Variants in ARHGEF6 observed in about 807,000 individuals in gnomAD.
ARHGEF6 encodes the protein rho guanine nucleotide exchange factor 6.
In ARHGEF6, 9 loss-of-function variants were observed where a neutral mutation model predicts 70.3. That is an observed-to-expected ratio of 0.13 (90% confidence interval 0.08 to 0.22). The LOEUF is 0.22. ARHGEF6 is among the 10% of genes least tolerant of loss of function. The pLI is 1.00. For missense variants in ARHGEF6, 470 were observed against 563.0 expected, an observed-to-expected ratio of 0.83 and a Z score of 1.67; for synonymous variants, 201 against 207.8, an observed-to-expected ratio of 0.97 and a Z score of 0.28.
Position 136,737,062 on chromosome X carries a change from C to T in ARHGEF6, c.662-4890G>A, listed in dbSNP as rs992440586. Among the ~76,000 whole-genome samples, 5 of 111,918 alleles carry T rather than the reference C, an allele frequency of 4.5e-5. No individual in the cohort carries two copies. In the Admixed American group the frequency reaches 4.7e-4, roughly 11 times the overall value. ...GAATGTGTCAGAATTACTGACTCTT[C>T]GAGTGGCCACAGTGTTATATGTTTG... On this transcript the variant is annotated intron_variant, in intron 5 of 21. Coordinates refer to ENST00000250617, the MANE Select transcript of ARHGEF6 (RefSeq NM_004840.3).
At chrX:136,686,644 ACACATATATATATACACATGTG>A (rs2076398776) in intron 11 of ARHGEF6, among the ~76,000 whole-genome samples, 1 of 60,697 alleles carries the variant, frequency 1.6e-5, no homozygotes, top group Non-Finnish European at 2.6e-5. Flanking sequence ...ATATATATAC[ACACATATATATATACACATGTG>A]TATATATATA....
intron 20 of ARHGEF6, among the ~76,000 whole-genome samples, chrX:136,670,366 A>C (rs1421333233): frequency 8.9e-6 from 1 of 112,253 alleles, no homozygotes; most frequent in Non-Finnish European, 1.9e-5. Flanking sequence ...TAGGTATGAA[A>C]AAAATCTGTA....
intron 6 of ARHGEF6, among the ~76,000 whole-genome samples, chrX:136,722,844 A>C (rs1038239160): frequency 3.6e-5 from 4 of 112,554 alleles, no homozygotes; most frequent in African/African-American, 1.3e-4. Context: ...AAACTTGCAC[A>C]TGAATGTTCA....
At chrX:136,715,559 A>G (rs1317523484) in intron 6 of ARHGEF6, among the ~76,000 whole-genome samples, 1 of 110,276 alleles carries the variant, frequency 9.1e-6, no homozygotes, top group Non-Finnish European at 1.9e-5. Context: ...AATTGGAGAA[A>G]CAGGCAGATA....
At chrX:136,747,684 G>GAAA (rs140379962) in intron 2 of ARHGEF6, 92 bp from the exon 3 acceptor site, 2,980 of 121,935 alleles carry the variant, frequency 0.024, 126 homozygotes, top group South Asian at 0.039. Flanking sequence ...CAGCTCTCCG[G>GAAA]AAAAAAAAAA....
At chrX:136,729,786 T>C (rs1039310167) in intron 6 of ARHGEF6, among the ~76,000 whole-genome samples, 1 of 108,070 alleles carries the variant, frequency 9.3e-6, no homozygotes, top group African/African-American at 3.4e-5. Flanking sequence ...GCTGAGATCG[T>C]GCCACTGCAC....
chrX:136,764,254 C>T (rs973098411), intron 2 of ARHGEF6, among the ~76,000 whole-genome samples: 6 of 111,320 alleles, frequency 5.4e-5, no homozygotes, highest in Admixed American at 9.5e-5. Context: ...GACCCTATGA[C>T]GTAGCAGTGA....
At position 136,668,524 on chromosome X, in the gene ARHGEF6, C is replaced by CTTATTATTA. The variant is rs1483563492; in HGVS notation, c.2191-356_2191-355insTAATAATAA. ...TGTCAGCCTGGTATTTCTTCTTCTT[C>CTTATTATTA]TTCTTCTTCTTATTATTATTATTAT... On this transcript the variant is annotated intron_variant, in intron 21 of 21. Coordinates refer to ENST00000250617, the MANE Select transcript of ARHGEF6 (RefSeq NM_004840.3). 8.0e-5 allele frequency among the ~76,000 whole-genome samples: 8 copies of CTTATTATTA among 99,790 alleles called. No individual in the cohort carries two copies. The East Asian group carries it at 2.1e-3, about 26-fold the overall frequency. The allele number at this position is 99,790 out of a possible 115,157, so 86.7% of individuals were successfully genotyped here.
At chrX:136,714,439 C>T (rs2076717064) in intron 6 of ARHGEF6, among the ~76,000 whole-genome samples, 1 of 112,159 alleles carries the variant, frequency 8.9e-6, no homozygotes, top group African/African-American at 3.2e-5. Flanking sequence ...AGGGACAACC[C>T]AGTTAACATT....
chrX:136,773,036 C>G (rs1246844734), intron 2 of ARHGEF6, among the ~76,000 whole-genome samples: 1 of 111,356 alleles, frequency 9.0e-6, no homozygotes, highest in Non-Finnish European at 1.9e-5. Context: ...TATGAGAACA[C>G]ACAGATGGGG....
rs769155733 is a variant in ARHGEF6 at position 136,762,440 on chromosome X, C to T, written c.250-14848G>A. ...TTGAGAGTTCACTCAGTGCCAAGGACGGTGCTAAGTGCTTTACTTGCTTTC... is the reference window on the plus strand; with the variant it reads ...TTGAGAGTTCACTCAGTGCCAAGGATGGTGCTAAGTGCTTTACTTGCTTTC... On this transcript the variant is annotated intron_variant, in intron 2 of 21. Coordinates refer to ENST00000250617, the MANE Select transcript of ARHGEF6 (RefSeq NM_004840.3). 4.5e-5 allele frequency among the ~76,000 whole-genome samples: 5 copies of T among 111,917 alleles called. No individual in the cohort carries two copies. In the South Asian group the frequency reaches 1.5e-3, roughly 33 times the overall value.
At position 136,681,868 on chromosome X, in the gene ARHGEF6, T is replaced by C. The variant is rs193226743; in HGVS notation, c.1558+22A>G. On this transcript the variant is annotated intron_variant, in intron 14 of 21. Transcript: ENST00000250617. ...CCAAAAAGAATTGGAAGTAGTTACA[T>C]GAAAAAGAGAAAATTACCTACCAGT... is the stretch of plus-strand genomic sequence containing the variant. The C allele has an allele frequency of 2.3e-4, 265 of 1,157,686 alleles. 1 individual carries two copies. The African/African-American group carries it at 4.0e-3, about 17-fold the overall frequency.
intron 2 of ARHGEF6, among the ~76,000 whole-genome samples, chrX:136,773,767 T>A (rs2077380516): frequency 8.9e-6 from 1 of 111,927 alleles, no homozygotes; most frequent in African/African-American, 3.3e-5. Flanking sequence ...AGAGGTCAAG[T>A]AACTGTCCCA....
intron 19 of ARHGEF6, among the ~76,000 whole-genome samples, chrX:136,673,970 G>A (rs948778323): frequency 9.0e-6 from 1 of 111,282 alleles, no homozygotes; most frequent in Non-Finnish European, 1.9e-5. Flanking sequence ...GGGTTCAAGA[G>A]ATTCTCCTGC....
At chrX:136,686,703 TATATAC>T (rs1465052909) in intron 11 of ARHGEF6, among the ~76,000 whole-genome samples, 2 of 29,040 alleles carry the variant, frequency 6.9e-5, no homozygotes, top group African/African-American at 2.3e-4. Flanking sequence ...TACACATATA[TATATAC>T]ATATATATAT....
intron 5 of ARHGEF6, among the ~76,000 whole-genome samples, chrX:136,739,038 T>C (rs2077016533): frequency 9.0e-6 from 1 of 111,192 alleles, no homozygotes; most frequent in Non-Finnish European, 1.9e-5. Flanking sequence ...AAGATCTTCC[T>C]AGACCATGTT....
chrX:136,745,150 T>G, intron 4 of ARHGEF6, 73 bp downstream of exon 4: 14 of 1,162,396 alleles, frequency 1.2e-5, no homozygotes, highest in Non-Finnish European at 1.6e-5. Context: ...TCACCACATA[T>G]GGAGATGCAA....
rs146018376 is a variant in ARHGEF6 at position 136,667,850 on chromosome X, G to A, written c.*179C>T. On this transcript the variant is annotated 3_prime_UTR_variant, in exon 22 of 22. Coordinates refer to ENST00000250617, the MANE Select transcript of ARHGEF6 (RefSeq NM_004840.3). ...CAAACAACAGCAAATGCCCAAGCGC[G>A]CACGTGCACGCACACACATATGCAC... is the stretch of plus-strand genomic sequence containing the variant. 1.2e-3 allele frequency: 673 copies of A among 561,250 alleles called. 2 individuals are homozygous for A. In the East Asian group the frequency reaches 0.018, roughly 15 times the overall value. 46.3% of individuals were successfully genotyped at this position (561,250 alleles called of 1,213,427 possible). A position where few individuals can be genotyped will look rare whatever the true frequency, so the allele number is the denominator to read the frequency against.
intron 2 of ARHGEF6, chrX:136,767,083 C>T: frequency 2.7e-6 from 2 of 749,710 alleles, no homozygotes; most frequent in South Asian, 1.4e-4. Context: ...TCCTTCGGCA[C>T]CCACCCCCGG....
Sources: gnomAD v4.1 joint callset for allele counts (sites outside exome capture counted in the v4.1 genomes callset) on GRCh38, gnomAD v4.1.1 for gene constraint, MANE v1.5 for transcripts, NCBI Gene and HGNC (gene_info 2026-07-23, HGNC 2026-07-21) for gene names.